The following NAT1 variants were observed in gnomAD, a reference collection of about 807,000 sequenced individuals.
The protein encoded by NAT1 is arylamine N-acetyltransferase 1.
For missense variants in NAT1, 400 were observed against 339.2 expected (o/e 1.18, Z -1.41); for synonymous variants, 144 against 122.6 (o/e 1.17, Z -1.16).
upstream of NAT1, among the ~76,000 whole-genome samples, chr8:18,208,065 T>A (rs1803801731): frequency 6.8e-6 from 1 of 146,982 alleles, no homozygotes; most frequent in African/African-American, 2.5e-5. Flanking sequence ...AGCTGAACAA[T>A]GAGAAGACAT....
intron 2 of NAT1, among the ~76,000 whole-genome samples, chr8:18,179,457 GC>G (rs34269123): frequency 9.2e-5 from 14 of 152,128 alleles, no homozygotes; most frequent in Non-Finnish European, 1.8e-4. Context: ...CCTGGAAGTG[GC>G]ATGCATCACC....
At chr8:18,187,729 G>A (rs1411884077) in intron 2 of NAT1, among the ~76,000 whole-genome samples, 1 of 151,804 alleles carries the variant, frequency 6.6e-6, no homozygotes, top group Non-Finnish European at 1.5e-5. Flanking sequence ...GAAAAAAACG[G>A]GATAAGGAAA....
intron 2 of NAT1, among the ~76,000 whole-genome samples, chr8:18,187,845 G>A (rs1032860806): frequency 4.6e-5 from 7 of 151,446 alleles, no homozygotes; most frequent in South Asian, 2.1e-4. Flanking sequence ...CATATGCCCC[G>A]GAACCTAAAA....
At chr8:18,199,063 C>T (rs1237712297) in intron 2 of NAT1, among the ~76,000 whole-genome samples, 1 of 151,812 alleles carries the variant, frequency 6.6e-6, no homozygotes, top group East Asian at 1.9e-4. Flanking sequence ...ACTGTAATTC[C>T]AGCACTTTGG....
At chr8:18,217,916 A>G (rs973089005) in intron 1 of NAT1, among the ~76,000 whole-genome samples, 3 of 152,100 alleles carry the variant, frequency 2.0e-5, no homozygotes, top group Admixed American at 6.6e-5. Flanking sequence ...GCTTCCTGCT[A>G]TAGAGTGTAT....
At position 18,223,103 on chromosome 8, in the gene NAT1, A is replaced by G; in HGVS notation, c.*183A>G. The G allele has an allele frequency of 3.7e-6, 1 of 267,424 alleles. No homozygotes were observed. Among genetic ancestry groups the G allele is most frequent in the Non-Finnish European group, 7.3e-6 (1 of 137,148 alleles). 16.6% of individuals were successfully genotyped at this position (267,424 alleles called of 1,614,324 possible). On this transcript the variant is annotated 3_prime_UTR_variant, in exon 3 of 3. Transcript: ENST00000307719. ...GCTTTTTAAAGAAACATAACCACAA[A>G]CCTTTTCAAATAATAATAATAATAA...
chr8:18,179,020 C>T (rs1047081413), intron 2 of NAT1, among the ~76,000 whole-genome samples: 1 of 152,130 alleles, frequency 6.6e-6, no homozygotes, highest in Non-Finnish European at 1.5e-5. Context: ...TTCCTGCGTG[C>T]CTTTAATTAG....
At chr8:18,180,238 G>T (rs1414043266) in intron 2 of NAT1, among the ~76,000 whole-genome samples, 2 of 152,110 alleles carry the variant, frequency 1.3e-5, no homozygotes, top group Admixed American at 1.3e-4. Context: ...GTGGTGTTGA[G>T]TTAGGAAAAT....
At chr8:18,216,912 C>T (rs756389497) in intron 1 of NAT1, 6 of 1,551,138 alleles carry the variant, frequency 3.9e-6, no homozygotes, top group South Asian at 1.2e-5. Flanking sequence ...ATTACTCTTA[C>T]ACAAGGAGGC....
At chr8:18,196,036 G>T (rs1803217901) in intron 2 of NAT1, among the ~76,000 whole-genome samples, 1 of 151,938 alleles carries the variant, frequency 6.6e-6, no homozygotes, top group East Asian at 1.9e-4. Context: ...GTGGATCCAA[G>T]GATTAATTTA....
chr8:18,188,402 T>A (rs1310610959), intron 2 of NAT1, among the ~76,000 whole-genome samples: 1 of 152,198 alleles, frequency 6.6e-6, no homozygotes, highest in East Asian at 1.9e-4. Context: ...AAATGACCAC[T>A]GATTTGTTTA....
rs1353662090 is a variant in NAT1, at chr8:18,222,416, T to A, written c.369T>A (p.Ala123=). 1 of 1,614,116 alleles carries A rather than the reference T, an allele frequency of 6.2e-7. No individual in the cohort carries two copies. Among genetic ancestry groups the A allele is most frequent in the Admixed American group, 1.7e-5 (1 of 60,004 alleles). The change falls in exon 3 of 3, where the codon GCT becomes GCA. Residue 123 remains alanine (A), a synonymous_variant. Transcript: ENST00000307719. Reference sequence around the variant, plus strand: ...ATGGCAGGAACTACATTGTCGATGCTGGGTTTGGACGCTCATACCAGATGT... The same window carrying A: ...ATGGCAGGAACTACATTGTCGATGCAGGGTTTGGACGCTCATACCAGATGT... ...TIDGRNYIVD[A]GFGRSYQMWQ...
At chr8:18,172,784 A>G (rs1802145639) in intron 2 of NAT1, among the ~76,000 whole-genome samples, 1 of 152,168 alleles carries the variant, frequency 6.6e-6, no homozygotes, top group Non-Finnish European at 1.5e-5. Flanking sequence ...ATTACTGTTT[A>G]ATACATATTT....
chr8:18,208,359 C>T (rs1022698693), upstream of NAT1, among the ~76,000 whole-genome samples: 8 of 151,930 alleles, frequency 5.3e-5, no homozygotes, highest in Non-Finnish European at 7.4e-5. Context: ...TTCTATTTGC[C>T]GATGACGTGA....
At position 18,222,778 on chromosome 8, in the gene NAT1, TC is replaced by T; in HGVS notation, c.732del (p.Phe244LeufsTer9). 1 of 1,613,534 alleles carries T rather than the reference TC, an allele frequency of 6.2e-7. No individual in the cohort carries two copies. The highest frequency in any genetic ancestry group is 8.5e-7 in the Non-Finnish European group (1 of 1,179,826). ...LVGFTLTHRRFNYKDNTDLIE... is the reference protein window; with the variant it reads ...LVGFTLTHRRXNYKDNTDLIE... ...GGCTTCACCCTCACCCATAGGAGAT[TC>T]AATTATAAGGACAATACAGATCTAA... On this transcript the variant is annotated frameshift_variant, in exon 3 of 3. Coordinates refer to ENST00000307719, the MANE Select transcript of NAT1 (RefSeq NM_000662.8). LOFTEE classifies it low-confidence loss of function (END_TRUNC).
Position 18,222,017 on chromosome 8 carries a change from CTTTCGTTTTGT to C in NAT1, c.-6-20_-6-10del. 1 of 1,572,722 alleles carries C rather than the reference CTTTCGTTTTGT, an allele frequency of 6.4e-7. No individual in the cohort carries two copies. The highest frequency in any genetic ancestry group is 8.6e-7 in the Non-Finnish European group (1 of 1,160,328). Reference sequence around the variant, plus strand: ...CCAAGTGTAAAAGTAAAATGATTTGCTTTCGTTTTGTTTTCCTTGCTTAGGGGATCATGGAC... The same window carrying C: ...CCAAGTGTAAAAGTAAAATGATTTGCTTTCCTTGCTTAGGGGATCATGGAC... On this transcript the variant is annotated splice_polypyrimidine_tract_variant and intron_variant, in intron 2 of 2. Transcript: ENST00000307719.
Position 18,222,601 on chromosome 8 carries a change from A to G in NAT1, c.554A>G (p.Lys185Arg). 1.2e-6 allele frequency: 2 copies of G among 1,613,308 alleles called. No individual in the cohort carries two copies. The highest frequency in any genetic ancestry group is 1.1e-5 in the South Asian group (1 of 90,952). The change falls in exon 3 of 3, where the codon AAA (lysine) becomes AGA (arginine). Residue 185 changes from lysine to arginine, a missense_variant. Physicochemically the swap from Lys to Arg is conservative, Grantham distance 26. Transcript: ENST00000307719. ...FLHSDLLEDS[K>R]YRKIYSFTLK... ...CATTCTGATCTCCTAGAAGACAGCAAATACCGAAAAATCTACTCCTTTACT... is the reference window on the plus strand; with the variant it reads ...CATTCTGATCTCCTAGAAGACAGCAGATACCGAAAAATCTACTCCTTTACT...
chr8:18,218,319 A>G (rs959870410), intron 1 of NAT1, among the ~76,000 whole-genome samples: 2 of 152,192 alleles, frequency 1.3e-5, no homozygotes, highest in East Asian at 3.9e-4. Context: ...GGCATTATGG[A>G]TGTTGAGGAG....
intron 2 of NAT1, among the ~76,000 whole-genome samples, chr8:18,200,296 G>GC (rs1803407049): frequency 6.9e-6 from 1 of 144,254 alleles, no homozygotes; most frequent in Non-Finnish European, 1.5e-5. Flanking sequence ...CAACCTAGGT[G>GC]CCCATCAATG....
Sources: allele counts gnomAD v4.1 joint callset (sites outside exome capture counted in the v4.1 genomes callset), GRCh38; gene constraint gnomAD v4.1.1; transcripts MANE v1.5; gene names NCBI Gene and HGNC (gene_info 2026-07-23, HGNC 2026-07-21).